The following GABRR2 variants were observed in gnomAD, a reference collection of about 807,000 sequenced individuals.
GABRR2 encodes the protein gamma-aminobutyric acid receptor subunit rho-2.
Under a neutral mutation model 47.0 loss-of-function variants are expected in GABRR2, and 36 were observed. That is an observed-to-expected ratio of 0.77 (90% CI 0.59 to 1.01). The LOEUF (loss-of-function observed/expected upper bound fraction) is 1.01, where lower values mean the gene tolerates loss of function less well. Ranked by LOEUF, GABRR2 falls within the 50% of genes least tolerant of loss-of-function variation. GABRR2 has a pLI of 0.00. For synonymous variants in GABRR2, 204 were observed against 227.5 expected (o/e 0.90, Z 0.93); for missense variants, 587 against 594.6 (o/e 0.99, Z 0.13).
chr6:89,293,835 A>T (rs1774510072), intron 2 of GABRR2, among the ~76,000 whole-genome samples: 1 of 152,202 alleles, frequency 6.6e-6, no homozygotes, highest in Middle Eastern at 3.2e-3. Context: ...CATTTCTCCC[A>T]ACAAAAGGAG....
At chr6:89,283,147 G>T (rs939590532) in intron 2 of GABRR2, among the ~76,000 whole-genome samples, 1 of 150,984 alleles carries the variant, frequency 6.6e-6, no homozygotes, top group Non-Finnish European at 1.5e-5. Context: ...TTCGTCTTCT[G>T]TGAATTGCCC....
At position 89,281,340 on chromosome 6, in the gene GABRR2, C is replaced by T. The variant is rs117770915; in HGVS notation, c.221-9618G>A. 4.7e-4 allele frequency among the ~76,000 whole-genome samples: 71 copies of T among 151,984 alleles called. No individual in the cohort carries two copies. The East Asian group carries it at 0.013, about 29-fold the overall frequency. On this transcript the variant is annotated intron_variant, in intron 2 of 8. Coordinates refer to ENST00000402938, the MANE Select transcript of GABRR2 (RefSeq NM_002043.5). ...CAGAGGAAGGATCAGTGAAGTCCAA[C>T]GAAAGGCATTGGAGAACATTTCACA...
At chr6:89,268,976 A>G in intron 4 of GABRR2, 35 bp downstream of exon 4, 1 of 1,581,904 alleles carries the variant, frequency 6.3e-7, no homozygotes, top group South Asian at 1.1e-5. Context: ...CCAGAAAGGC[A>G]CTGGACAGAG....
In GABRR2 at chr6:89,264,411, CCTT is replaced by C. The variant is rs1562350207; in HGVS notation, c.1084_1086del (p.Lys362del). 3 of 1,612,734 alleles carry C rather than the reference CCTT, an allele frequency of 1.9e-6. No individual in the cohort carries two copies. Among genetic ancestry groups the C allele is most frequent in the Admixed American group, 1.7e-5 (1 of 59,728 alleles). ...GACAAGGGCCGAAGAAGCCCTCTCA[CCTT>C]CTCCCGCAGCTTCCGTTCCTTGCGC... On this transcript the variant is annotated inframe_deletion and splice_region_variant, in exon 8 of 9. Transcript: ENST00000402938.
Position 89,257,640 on chromosome 6 carries a change from T to C in GABRR2, c.*30A>G. On this transcript the variant is annotated 3_prime_UTR_variant, in exon 9 of 9. Coordinates refer to ENST00000402938, the MANE Select transcript of GABRR2 (RefSeq NM_002043.5). ...ACTGGCCAGGCCCCCTCGATGTCTA[T>C]GCCCTCTTCTAGGAACAGCCTTGGA... The C allele has an allele frequency of 5.1e-6, 8 of 1,568,804 alleles. No homozygotes were observed. Among genetic ancestry groups the C allele is most frequent in the Non-Finnish European group, 7.0e-6 (8 of 1,150,270 alleles).
At chr6:89,302,290 C>G in intron 1 of GABRR2, 1 of 564,430 alleles carries the variant, frequency 1.8e-6, no homozygotes, top group Non-Finnish European at 3.6e-6. Flanking sequence ...GCGTAGTGCC[C>G]TCGCCCAAGG....
intron 8 of GABRR2, among the ~76,000 whole-genome samples, chr6:89,259,481 C>T (rs796863252): frequency 4.8e-4 from 73 of 151,528 alleles, no homozygotes; most frequent in African/African-American, 1.6e-3. Flanking sequence ...TTTTTTCCAT[C>T]AGTAACACTT....
At chr6:89,264,139 C>T (rs1773819769) in intron 8 of GABRR2, among the ~76,000 whole-genome samples, 1 of 152,098 alleles carries the variant, frequency 6.6e-6, no homozygotes, top group South Asian at 2.1e-4. Context: ...TGTAATCTCC[C>T]TTTTACAGAT....
rs1774308405 is a variant in GABRR2 at position 89,284,933 on chromosome 6, G to T, written c.221-13211C>A. On this transcript the variant is annotated intron_variant, in intron 2 of 8. Transcript: ENST00000402938. The stretch of plus-strand genomic sequence containing the variant: ...AGTTTACCCCTGCATAAACTATAAA[G>T]AATATGTTGATGGACTACCTCAGCG... 1.3e-5 allele frequency among the ~76,000 whole-genome samples: 2 copies of T among 152,184 alleles called. 1 individual carries two copies. Among genetic ancestry groups the T allele is most frequent in the South Asian group, 4.1e-4 (2 of 4,830 alleles).
chr6:89,296,780 A>G (rs1222415490), intron 2 of GABRR2, among the ~76,000 whole-genome samples: 1 of 152,262 alleles, frequency 6.6e-6, no homozygotes, highest in African/African-American at 2.4e-5. Context: ...CATTCTGCTC[A>G]GAGTCAGGGT....
chr6:89,272,537 A>AT (rs1235356209), intron 2 of GABRR2, among the ~76,000 whole-genome samples: 3 of 152,024 alleles, frequency 2.0e-5, no homozygotes, highest in East Asian at 3.8e-4. Context: ...TTGGATTTTA[A>AT]TTTTTTTTAA....
At chr6:89,314,000 A>G (rs1018942620) in intron 1 of GABRR2, among the ~76,000 whole-genome samples, 3 of 151,062 alleles carry the variant, frequency 2.0e-5, no homozygotes, top group African/African-American at 7.3e-5. Context: ...TAGAGGCTGT[A>G]ACTCTTATTT....
chr6:89,266,290 GTTGT>G (rs1773893639), intron 6 of GABRR2, among the ~76,000 whole-genome samples: 1 of 152,118 alleles, frequency 6.6e-6, no homozygotes, highest in African/African-American at 2.4e-5. Flanking sequence ...CTAGGCTATA[GTTGT>G]TTGTTCTGTA....
At chr6:89,306,766 T>G (rs1310120574) in intron 1 of GABRR2, among the ~76,000 whole-genome samples, 1 of 149,484 alleles carries the variant, frequency 6.7e-6, no homozygotes, top group Non-Finnish European at 1.5e-5. Context: ...AATTGTCTGC[T>G]GACAGTTATT....
intron 2 of GABRR2, among the ~76,000 whole-genome samples, chr6:89,291,384 G>T (rs987630184): frequency 1.3e-5 from 2 of 152,096 alleles, no homozygotes; most frequent in East Asian, 1.9e-4. Context: ...GCTGCCAAGA[G>T]TCTGAACTCA....
At chr6:89,264,315 T>C (rs1773825091) in intron 8 of GABRR2, 97 bp downstream of exon 8, 9 of 1,368,734 alleles carry the variant, frequency 6.6e-6, no homozygotes, top group Non-Finnish European at 6.9e-6. Context: ...CATCTCCTTT[T>C]TCTACATGCA....
intron 2 of GABRR2, among the ~76,000 whole-genome samples, chr6:89,296,099 C>A (rs1269159747): frequency 6.6e-6 from 1 of 152,240 alleles, no homozygotes; most frequent in Admixed American, 6.5e-5. Flanking sequence ...TCTATATCAC[C>A]TGCACAGAGT....
At chr6:89,312,394 C>A (rs1279923163) in intron 1 of GABRR2, among the ~76,000 whole-genome samples, 2 of 152,208 alleles carry the variant, frequency 1.3e-5, no homozygotes, top group Non-Finnish European at 2.9e-5. Context: ...GTTCTGTGTG[C>A]ATGCCTTGGC....
intron 2 of GABRR2, among the ~76,000 whole-genome samples, chr6:89,292,730 T>TCTCTG (rs1267587187): frequency 5.3e-4 from 76 of 142,316 alleles, no homozygotes; most frequent in East Asian, 2.4e-3. Context: ...ATATATCGTA[T>TCTCTG]ATATCATATA....
Sources: gnomAD v4.1 joint callset for allele counts (sites outside exome capture counted in the v4.1 genomes callset) on GRCh38, gnomAD v4.1.1 for gene constraint, MANE v1.5 for transcripts, NCBI Gene and HGNC (gene_info 2026-07-23, HGNC 2026-07-21) for gene names.